PPARA: variants seen among roughly 807,000 people sequenced by gnomAD.
The protein encoded by PPARA is peroxisome proliferator activated receptor alpha, also known as peroxisome proliferator-activated receptor alpha.
Under a neutral mutation model 42.2 loss-of-function variants are expected in PPARA, and 22 were observed. The ratio of observed to expected loss-of-function variants is 0.52; its 90% confidence interval spans 0.37 to 0.74. PPARA has a LOEUF of 0.74. Ranked by LOEUF, PPARA falls within the 30% of genes least tolerant of loss-of-function variation. The pLI is 0.00. For missense variants in PPARA, 465 were observed against 608.2 expected (o/e 0.76, Z 2.48); for synonymous variants, 242 against 239.3 (o/e 1.01, Z -0.10).
intron 4 of PPARA, among the ~76,000 whole-genome samples, chr22:46,199,288 A>G (rs1932739584): frequency 6.6e-6 from 1 of 152,200 alleles, no homozygotes; most frequent in Non-Finnish European, 1.5e-5. Flanking sequence ...AAAGGGAAAC[A>G]GATAAATTGG....
Position 46,173,606 on chromosome 22 carries a change from A to T in PPARA, c.-126-3147A>T, listed in dbSNP as rs1363897904. On this transcript the variant is annotated intron_variant, in intron 2 of 8. Coordinates refer to ENST00000407236, the MANE Select transcript of PPARA (RefSeq NM_005036.6). This position sits in a 1 kb window ranked among gnomAD's most constrained non-coding sequence, Gnocchi z 4.3. Reference sequence around the variant, plus strand: ...ATAAAAGACAAAGAAAAGCTGCGGAAATGTTTCAGATTAAAAGAGAGAAGA... The same window carrying T: ...ATAAAAGACAAAGAAAAGCTGCGGATATGTTTCAGATTAAAAGAGAGAAGA... Among the ~76,000 whole-genome samples the T allele has an allele frequency of 2.0e-5, 3 of 152,202 alleles. No individual in the cohort carries two copies. The highest frequency in any genetic ancestry group is 1.3e-4 in the Admixed American group (2 of 15,276).
intron 4 of PPARA, among the ~76,000 whole-genome samples, chr22:46,207,838 C>G (rs557822652): frequency 1.3e-5 from 2 of 151,502 alleles, no homozygotes; most frequent in East Asian, 3.9e-4. Flanking sequence ...TATATACTAC[C>G]ATGCCCAGCC....
rs143865755 is a variant in PPARA, at chr22:46,191,054, G to T, written c.-42-7288G>T. On this transcript the variant is annotated intron_variant, in intron 3 of 8. Coordinates refer to ENST00000407236, the MANE Select transcript of PPARA (RefSeq NM_005036.6). The surrounding 1 kb of genome is among the most constrained non-coding windows in gnomAD (Gnocchi z 4.6). ...TAAATATACAAAAAATTAGCCGGGC[G>T]TGGTGGTGTGTGCCTGTAGTCCCAG... is the stretch of plus-strand genomic sequence containing the variant. Among the ~76,000 whole-genome samples, 49 of 152,208 alleles carry T rather than the reference G, an allele frequency of 3.2e-4. 1 individual carries two copies. In the South Asian group the frequency reaches 9.7e-3, roughly 30 times the overall value.
Position 46,240,304 on chromosome 22 carries a change from G to A in PPARA, c.*4924G>A. Reference sequence around the variant, plus strand: ...ATGAAAACACCAGCCTCCAGATGTAGGGCCTGCTGGGTGTTGCTAGCCGCT... The same window carrying A: ...ATGAAAACACCAGCCTCCAGATGTAAGGCCTGCTGGGTGTTGCTAGCCGCT... On this transcript the variant is annotated 3_prime_UTR_variant, in exon 9 of 9. Coordinates refer to ENST00000407236, the MANE Select transcript of PPARA (RefSeq NM_005036.6). This position sits in a 1 kb window ranked among gnomAD's most constrained non-coding sequence, Gnocchi z 6.0. 2.5e-6 allele frequency: 1 copy of A among 398,600 alleles called. No individual in the cohort carries two copies. The highest frequency in any genetic ancestry group is 3.6e-5 in the East Asian group (1 of 28,078). The allele number at this position is 398,600 out of a possible 1,614,324, so 24.7% of individuals were successfully genotyped here.
intron 2 of PPARA, among the ~76,000 whole-genome samples, chr22:46,157,504 C>T (rs1245921495): frequency 3.9e-5 from 6 of 152,278 alleles, no homozygotes; most frequent in East Asian, 1.9e-4. Flanking sequence ...CCCATTACAG[C>T]GGTGTTAGGA....
chr22:46,166,641 G>C (rs911496005), intron 2 of PPARA, among the ~76,000 whole-genome samples: 3 of 149,136 alleles, frequency 2.0e-5, no homozygotes, highest in African/African-American at 7.6e-5. Flanking sequence ...ACAAAAAACA[G>C]TAATCAAGCA....
At chr22:46,177,605 G>A (rs1342116167) in intron 3 of PPARA, among the ~76,000 whole-genome samples, 1 of 152,188 alleles carries the variant, frequency 6.6e-6, no homozygotes, top group Non-Finnish European at 1.5e-5. Context: ...AAGAGAGAGA[G>A]GTATATCAGA....
At chr22:46,214,192 C>T (rs951745476) in intron 4 of PPARA, among the ~76,000 whole-genome samples, 1 of 152,108 alleles carries the variant, frequency 6.6e-6, no homozygotes. Flanking sequence ...ACTGTCAGTG[C>T]GGGGGCATGG....
At chr22:46,174,570 A>G (rs982083922) in intron 2 of PPARA, among the ~76,000 whole-genome samples, 22 of 152,234 alleles carry the variant, frequency 1.4e-4, no homozygotes, top group Admixed American at 3.9e-4. Flanking sequence ...TAATCCCAGC[A>G]CTTTGGGAAG....
rs565315300 is a variant in PPARA, at chr22:46,243,680, G to A, written c.*8300G>A. The stretch of plus-strand genomic sequence containing the variant: ...GTTTGGGATGTCCTACTGTAAGACT[G>A]ATGAATGTACAGAGTTAATTTCAGG... On this transcript the variant is annotated 3_prime_UTR_variant, in exon 9 of 9. Coordinates refer to ENST00000407236, the MANE Select transcript of PPARA (RefSeq NM_005036.6). This position sits in a 1 kb window ranked among gnomAD's most constrained non-coding sequence, Gnocchi z 5.0. 2 of 152,514 alleles carry A rather than the reference G, an allele frequency of 1.3e-5. No homozygotes were observed. Among genetic ancestry groups the A allele is most frequent in the Non-Finnish European group, 2.9e-5 (2 of 68,026 alleles). 9.4% of individuals were successfully genotyped at this position (152,514 alleles called of 1,614,324 possible). A position where few individuals can be genotyped will look rare whatever the true frequency, so the allele number is the denominator to read the frequency against.
At chr22:46,217,388 T>C (rs1040822672) in intron 5 of PPARA, among the ~76,000 whole-genome samples, 7 of 152,232 alleles carry the variant, frequency 4.6e-5, no homozygotes, top group Non-Finnish European at 5.9e-5. Context: ...AAGTGGCCTT[T>C]TCCTTAGGGC....
rs1351883100 is a variant in PPARA at position 46,207,662 on chromosome 22, ATTATTATTATTATTATTTTTTTTTTTT to A, written c.209-7508_209-7482del. On this transcript the variant is annotated intron_variant, in intron 4 of 8. Coordinates refer to ENST00000407236, the MANE Select transcript of PPARA (RefSeq NM_005036.6). Reference sequence around the variant, plus strand: ...TAATTAATTTATTATTATTATTATTATTATTATTATTATTATTTTTTTTTTTTTTTTTTTTTTTAGAGACAGGGTCTT... The same window carrying A: ...TAATTAATTTATTATTATTATTATTATTTTTTTTTTTAGAGACAGGGTCTT... Among the ~76,000 whole-genome samples the A allele has an allele frequency of 4.3e-4, 37 of 85,288 alleles. 1 individual carries two copies. The highest frequency in any genetic ancestry group is 2.0e-3 in the African/African-American group (37 of 18,568). 56.0% of individuals were successfully genotyped at this position (85,288 alleles called of 152,430 possible).
At position 46,167,217 on chromosome 22, in the gene PPARA, A is replaced by C. The variant is rs1020474721; in HGVS notation, c.-126-9536A>C. On this transcript the variant is annotated intron_variant, in intron 2 of 8. Coordinates refer to ENST00000407236, the MANE Select transcript of PPARA (RefSeq NM_005036.6). The surrounding 1 kb of genome is among the most constrained non-coding windows in gnomAD (Gnocchi z 4.1). ...TCAACCTTCAGCTCACAGCACTACA[A>C]ACTCATAATTATTATCATTATATTA... 5.3e-5 allele frequency among the ~76,000 whole-genome samples: 8 copies of C among 151,548 alleles called. No individual in the cohort carries two copies. The highest frequency in any genetic ancestry group is 1.9e-4 in the African/African-American group (8 of 41,326).
rs1201255378 is a variant in PPARA at position 46,190,186 on chromosome 22, G to A, written c.-42-8156G>A. On this transcript the variant is annotated intron_variant, in intron 3 of 8. Coordinates refer to ENST00000407236, the MANE Select transcript of PPARA (RefSeq NM_005036.6). This position sits in a 1 kb window ranked among gnomAD's most constrained non-coding sequence, Gnocchi z 5.6. ...GACAAGGTGATAAATTAGAATTGGTGGGAAAGAGAAAAATCTGTCTTCTGA... is the reference window on the plus strand; with the variant it reads ...GACAAGGTGATAAATTAGAATTGGTAGGAAAGAGAAAAATCTGTCTTCTGA... Among the ~76,000 whole-genome samples, 1 of 152,146 alleles carries A rather than the reference G, an allele frequency of 6.6e-6. No homozygotes were observed. Among genetic ancestry groups the A allele is most frequent in the Admixed American group, 6.5e-5 (1 of 15,268 alleles).
intron 5 of PPARA, among the ~76,000 whole-genome samples, chr22:46,217,986 A>G (rs897854201): frequency 6.6e-6 from 1 of 151,626 alleles, no homozygotes; most frequent in African/African-American, 2.4e-5. Context: ...TTACATCACC[A>G]TGCCCGGCTA....
rs554703458 is a variant in PPARA at position 46,157,739 on chromosome 22, G to A, written c.-127+5769G>A. Among the ~76,000 whole-genome samples, 26 of 152,288 alleles carry A rather than the reference G, an allele frequency of 1.7e-4. No individual in the cohort carries two copies. In the South Asian group the frequency reaches 5.2e-3, roughly 30 times the overall value. Reference sequence around the variant, plus strand: ...GCAGCACTGATATTTAACAAGGTGAGGGTCCTTCTCCTGCTCTGACTGTCA... The same window carrying A: ...GCAGCACTGATATTTAACAAGGTGAAGGTCCTTCTCCTGCTCTGACTGTCA... On this transcript the variant is annotated intron_variant, in intron 2 of 8. Transcript: ENST00000407236.
At chr22:46,209,809 G>C (rs1933742711) in intron 4 of PPARA, among the ~76,000 whole-genome samples, 1 of 152,120 alleles carries the variant, frequency 6.6e-6, no homozygotes, top group Non-Finnish European at 1.5e-5. Context: ...GCAGTGGCAT[G>C]ATCACAGCTC....
rs1485662700 is a variant in PPARA, at chr22:46,220,034, C to T, written c.711+20C>T. The T allele has an allele frequency of 6.2e-7, 1 of 1,612,892 alleles. No homozygotes were observed. Among genetic ancestry groups the T allele is most frequent in the East Asian group, 2.2e-5 (1 of 44,884 alleles). On this transcript the variant is annotated intron_variant, in intron 7 of 8. Coordinates refer to ENST00000407236, the MANE Select transcript of PPARA (RefSeq NM_005036.6). ...AATCCAGTAGGTGTTTGCGGCTGTTCTGGGTTCTCTTGGCAACATGGAACC... is the reference window on the plus strand; with the variant it reads ...AATCCAGTAGGTGTTTGCGGCTGTTTTGGGTTCTCTTGGCAACATGGAACC...
chr22:46,168,213 G>A lies in PPARA; in HGVS notation c.-126-8540G>A, dbSNP rs4253645. Reference sequence around the variant, plus strand: ...TAAAAATACAAAAAATTAGCCGGACGTGGTGGTAGGCGCCTGTAGTCCTAG... The same window carrying A: ...TAAAAATACAAAAAATTAGCCGGACATGGTGGTAGGCGCCTGTAGTCCTAG... On this transcript the variant is annotated intron_variant, in intron 2 of 8. Coordinates refer to ENST00000407236, the MANE Select transcript of PPARA (RefSeq NM_005036.6). Among the ~76,000 whole-genome samples the A allele has an allele frequency of 5.8e-3, 873 of 150,690 alleles. 8 individuals are homozygous for A. Among genetic ancestry groups the A allele is most frequent in the African/African-American group, 0.02 (833 of 41,218 alleles).
Sources: gnomAD v4.1 joint callset for allele counts (sites outside exome capture counted in the v4.1 genomes callset) on GRCh38, gnomAD v4.1.1 for gene constraint, Gnocchi (gnomAD v3.1) non-coding constraint, MANE v1.5 for transcripts, NCBI Gene and HGNC (gene_info 2026-07-23, HGNC 2026-07-21) for gene names.